PCDHA1: variants seen among roughly 807,000 people sequenced by gnomAD.
PCDHA1 encodes protocadherin alpha 1, also known as protocadherin alpha-1.
In PCDHA1, 42 loss-of-function variants were observed where a neutral mutation model predicts 61.3. The ratio of observed to expected loss-of-function variants is 0.69; its 90% CI spans 0.54 to 0.89. PCDHA1 has a LOEUF of 0.89. Ranked by LOEUF, PCDHA1 falls within the 40% of genes least tolerant of loss-of-function variation. The pLI is 0.00. For missense variants in PCDHA1, 1,256 were observed against 1,235.3 expected, an observed-to-expected ratio of 1.02 and a Z score of -0.25; for synonymous variants, 610 against 553.8, an observed-to-expected ratio of 1.10 and a Z score of -1.43.
In PCDHA1 at chr5:140,851,944, C is replaced by G; in HGVS notation, c.2394+63260C>G. The G allele has an allele frequency of 1.7e-5, 16 of 969,410 alleles. 1 individual carries two copies. Among genetic ancestry groups the G allele is most frequent in the Non-Finnish European group, 2.0e-5 (16 of 802,504 alleles). The allele number at this position is 969,410 out of a possible 1,614,324, so 60.1% of individuals were successfully genotyped here. A position where few individuals can be genotyped will look rare whatever the true frequency, so the allele number is the denominator to read the frequency against. On this transcript the variant is annotated intron_variant, in intron 1 of 3. Transcript: ENST00000504120. ...ATGTTTCCTGAATTGTAGTATGTGA[C>G]TTTCAAAATGGTGGTTTTCCACACT...
At chr5:140,928,467 A>C (rs782319281) in intron 1 of PCDHA1, 29 of 1,614,142 alleles carry the variant, frequency 1.8e-5, no homozygotes, top group Non-Finnish European at 2.3e-5. Flanking sequence ...ATTTCCAAGT[A>C]GAAGGCCGGG....
chr5:140,808,008 A>G (rs782472547), intron 1 of PCDHA1: 1 of 1,613,894 alleles, frequency 6.2e-7, no homozygotes, highest in South Asian at 1.1e-5. Flanking sequence ...GAAGGATTGA[A>G]TGGGGACATT....
At position 140,869,969 on chromosome 5, in the gene PCDHA1, G is replaced by A. The variant is rs147407508; in HGVS notation, c.2394+81285G>A. 57 of 1,613,134 alleles carry A rather than the reference G, an allele frequency of 3.5e-5. No individual in the cohort carries two copies. In the African/African-American group the frequency reaches 7.1e-4, roughly 20 times the overall value. On this transcript the variant is annotated intron_variant, in intron 1 of 3. Coordinates refer to ENST00000504120, the MANE Select transcript of PCDHA1 (RefSeq NM_018900.4). Reference sequence around the variant, plus strand: ...TTAATGTCAATTAAGCCCAATGGAAGACACTTATTTACACTAGATCAAAAT... The same window carrying A: ...TTAATGTCAATTAAGCCCAATGGAAAACACTTATTTACACTAGATCAAAAT...
intron 1 of PCDHA1, among the ~76,000 whole-genome samples, chr5:140,910,845 G>C (rs1448971238): frequency 6.6e-6 from 1 of 152,090 alleles, no homozygotes; most frequent in Non-Finnish European, 1.5e-5. Context: ...CAATGCCTTG[G>C]ATCTATGTTC....
Position 140,796,444 on chromosome 5 carries a change from C to T in PCDHA1, c.2394+7760C>T, listed in dbSNP as rs781802286. 3.1e-6 allele frequency: 5 copies of T among 1,613,224 alleles called. No homozygotes were observed. The African/African-American group carries it at 6.7e-5, about 22-fold the overall frequency. ...GGAGAACGCGCTGGTGTCCTACTCG[C>T]TGGTGGAGCGGCGGGTGGGCGAGCG... On this transcript the variant is annotated intron_variant, in intron 1 of 3. Transcript: ENST00000504120.
intron 1 of PCDHA1, among the ~76,000 whole-genome samples, chr5:140,910,738 C>G (rs2075147470): frequency 6.6e-6 from 1 of 152,098 alleles, no homozygotes; most frequent in Non-Finnish European, 1.5e-5. Context: ...GCTAACCAAG[C>G]ACATAAATTA....
At chr5:140,807,250 C>A (rs781836532) in intron 1 of PCDHA1, 2 of 1,614,232 alleles carry the variant, frequency 1.2e-6, no homozygotes, top group East Asian at 2.2e-5. Flanking sequence ...TTCTTCTCCT[C>A]GCAGCCTGGG....
chr5:140,993,238 T>A (rs896841031), intron 3 of PCDHA1, among the ~76,000 whole-genome samples: 1 of 152,182 alleles, frequency 6.6e-6, no homozygotes, highest in African/African-American at 2.4e-5. Context: ...TCTCTGAATC[T>A]GGGGATTTAG....
intron 1 of PCDHA1, among the ~76,000 whole-genome samples, chr5:140,820,807 A>C (rs1766834468): frequency 6.6e-6 from 1 of 152,128 alleles, no homozygotes; most frequent in African/African-American, 2.4e-5. Flanking sequence ...TGTATTTTAC[A>C]ATTTTTAATA....
At chr5:140,809,287 G>T in intron 1 of PCDHA1, 1 of 1,614,112 alleles carries the variant, frequency 6.2e-7, no homozygotes, top group South Asian at 1.1e-5. Context: ...ACGTATACCT[G>T]ATCATTGCCA....
At chr5:140,791,901 G>A (rs886449167) in intron 1 of PCDHA1, among the ~76,000 whole-genome samples, 7 of 152,106 alleles carry the variant, frequency 4.6e-5, no homozygotes, top group Non-Finnish European at 1.0e-4. Context: ...ACATGTAAAC[G>A]TTAAGGGATA....
intron 1 of PCDHA1, chr5:140,805,632 T>C: frequency 1.1e-6 from 1 of 893,872 alleles, no homozygotes; most frequent in Non-Finnish European, 1.3e-6. Flanking sequence ...TGTATTGTGG[T>C]TTATTTATTG....
chr5:140,884,192 G>A, intron 1 of PCDHA1: 1 of 1,613,428 alleles, frequency 6.2e-7, no homozygotes, highest in Non-Finnish European at 8.5e-7. Context: ...CGAGGTGGAC[G>A]CGCCGCACCA....
intron 1 of PCDHA1, chr5:140,796,192 G>A: frequency 6.2e-7 from 1 of 1,614,202 alleles, no homozygotes; most frequent in African/African-American, 1.3e-5. Flanking sequence ...GTTGGTGCTG[G>A]ACAGCGCCCT....
chr5:140,857,717 G>T, intron 1 of PCDHA1: 1 of 1,597,518 alleles, frequency 6.3e-7, no homozygotes, highest in Non-Finnish European at 8.6e-7. Context: ...CGTGCTGGAC[G>T]AGAACGACAA....
At chr5:140,838,343 C>T (rs1262099993) in intron 1 of PCDHA1, among the ~76,000 whole-genome samples, 5 of 148,174 alleles carry the variant, frequency 3.4e-5, no homozygotes, top group African/African-American at 1.0e-4. Context: ...CGGCTGGTCT[C>T]GAAATCTGGG....
chr5:140,887,523 A>G (rs2061479096), intron 1 of PCDHA1, among the ~76,000 whole-genome samples: 1 of 152,078 alleles, frequency 6.6e-6, no homozygotes, highest in Non-Finnish European at 1.5e-5. Flanking sequence ...TTTATATATG[A>G]GTCTTCCTCT....
In PCDHA1 at chr5:140,836,794, C is replaced by T. The variant is rs2150270032; in HGVS notation, c.2394+48110C>T. 8 of 1,396,752 alleles carry T rather than the reference C, an allele frequency of 5.7e-6. No individual in the cohort carries two copies. In the African/African-American group the frequency reaches 7.2e-5, roughly 13 times the overall value. The allele number at this position is 1,396,752 out of a possible 1,614,324, so 86.5% of individuals were successfully genotyped here. A position where few individuals can be genotyped will look rare whatever the true frequency, so the allele number is the denominator to read the frequency against. The stretch of plus-strand genomic sequence containing the variant: ...TTTTAAAACAATTAGTTCAATTGGT[C>T]TCCTTAAATTTTCTTTCATAATTTC... On this transcript the variant is annotated intron_variant, in intron 1 of 3. Transcript: ENST00000504120.
At chr5:140,970,442 A>G (rs1003756532) in intron 1 of PCDHA1, among the ~76,000 whole-genome samples, 3 of 152,182 alleles carry the variant, frequency 2.0e-5, no homozygotes, top group Non-Finnish European at 4.4e-5. Flanking sequence ...TAGTATATGC[A>G]CTAGTTTTGA....
Sources: allele counts gnomAD v4.1 joint callset (sites outside exome capture counted in the v4.1 genomes callset), GRCh38; gene constraint gnomAD v4.1.1; transcripts MANE v1.5; gene names NCBI Gene and HGNC (gene_info 2026-07-23, HGNC 2026-07-21).